Variants in USP34 observed in about 807,000 individuals in gnomAD.
USP34 encodes ubiquitin carboxyl-terminal hydrolase 34.
A neutral mutation model predicts 460.3 loss-of-function variants in USP34; 70 were observed. That is an observed-to-expected ratio of 0.15 (90% confidence interval 0.13 to 0.19). USP34 has a LOEUF of 0.19. Ranked by LOEUF, USP34 falls within the 10% of genes least tolerant of loss-of-function variation. USP34 has a pLI of 1.00. For synonymous variants in USP34, 1,647 were observed against 1,405.3 expected (o/e 1.17, Z -3.85); for missense variants, 3,985 against 4,236.2 (o/e 0.94, Z 1.65).
chr2:61,402,158 G>C (rs1430380263), intron 3 of USP34, among the ~76,000 whole-genome samples: 1 of 151,990 alleles, frequency 6.6e-6, no homozygotes, highest in African/African-American at 2.4e-5. Context: ...TGAATGCCTA[G>C]TGTCCAAGCT....
chr2:61,401,332 G>A (rs1478592377), intron 3 of USP34, among the ~76,000 whole-genome samples: 1 of 151,636 alleles, frequency 6.6e-6, no homozygotes, highest in Admixed American at 6.6e-5. Context: ...TTGACCTCCT[G>A]GCTCAAGTGA....
At chr2:61,423,525 T>C (rs980384755) in intron 1 of USP34, among the ~76,000 whole-genome samples, 1 of 152,080 alleles carries the variant, frequency 6.6e-6, no homozygotes, top group Non-Finnish European at 1.5e-5. Flanking sequence ...CTACAAAATG[T>C]TGCTAAAAGG....
At chr2:61,245,765 T>C (rs572252246) in intron 50 of USP34, among the ~76,000 whole-genome samples, 1 of 143,544 alleles carries the variant, frequency 7.0e-6, no homozygotes, top group Non-Finnish European at 1.6e-5. Flanking sequence ...CAATTAACAA[T>C]TGTACATTTT....
intron 14 of USP34, 40 bp from the exon 15 acceptor site, chr2:61,348,520 C>A (rs1332452374): frequency 2.7e-5 from 42 of 1,567,062 alleles, no homozygotes; most frequent in Middle Eastern, 3.4e-4. Context: ...AATATTTAAA[C>A]CAGTAAGAAA....
At chr2:61,446,567 G>A (rs891605811) in intron 1 of USP34, among the ~76,000 whole-genome samples, 7 of 151,836 alleles carry the variant, frequency 4.6e-5, no homozygotes, top group African/African-American at 7.3e-5. Context: ...AAGCCAAGGC[G>A]GGCAGATCAC....
intron 10 of USP34, among the ~76,000 whole-genome samples, chr2:61,358,235 G>A (rs1169591045): frequency 7.2e-6 from 1 of 138,930 alleles, no homozygotes; most frequent in South Asian, 2.7e-4. Flanking sequence ...AATGTTAATA[G>A]AGAAAACTAA....
In USP34 at chr2:61,187,558, G is replaced by C. The variant is rs1686466998; in HGVS notation, c.*544C>G. The C allele has an allele frequency of 2.1e-6, 2 of 970,340 alleles. No homozygotes were observed. The highest frequency in any genetic ancestry group is 1.1e-4 in the East Asian group (1 of 8,884). 60.1% of individuals were successfully genotyped at this position (970,340 alleles called of 1,614,324 possible). The stretch of plus-strand genomic sequence containing the variant: ...AATAAAACAATTATTTTTACATCAA[G>C]TGTGCTTTATTTCCTCCACAGGTAT... On this transcript the variant is annotated 3_prime_UTR_variant, in exon 80 of 80. Coordinates refer to ENST00000398571, the MANE Select transcript of USP34 (RefSeq NM_014709.4).
At chr2:61,361,912 T>A (rs1692286475) in intron 10 of USP34, among the ~76,000 whole-genome samples, 1 of 152,070 alleles carries the variant, frequency 6.6e-6, no homozygotes, top group African/African-American at 2.4e-5. Context: ...AACCATGTAT[T>A]GATTAGGGGT....
At position 61,209,364 on chromosome 2, in the gene USP34, G is replaced by A. The variant is rs1332513861; in HGVS notation, c.8841-387C>T. 2.0e-5 allele frequency among the ~76,000 whole-genome samples: 3 copies of A among 151,878 alleles called. No homozygotes were observed. The East Asian group carries it at 5.8e-4, about 29-fold the overall frequency. ...GGTAATTAAAAAAGAGTAACATGAAGGAAAAAAATACTAAAAACGTGTCAG... is the reference window on the plus strand; with the variant it reads ...GGTAATTAAAAAAGAGTAACATGAAAGAAAAAAATACTAAAAACGTGTCAG... On this transcript the variant is annotated intron_variant, in intron 69 of 79. Coordinates refer to ENST00000398571, the MANE Select transcript of USP34 (RefSeq NM_014709.4).
chr2:61,196,668 A>G (rs1442448271), intron 75 of USP34, among the ~76,000 whole-genome samples: 1 of 151,942 alleles, frequency 6.6e-6, no homozygotes, highest in Non-Finnish European at 1.5e-5. Flanking sequence ...AGTAGCTGGG[A>G]CTACTGGTGT....
intron 1 of USP34, among the ~76,000 whole-genome samples, chr2:61,427,038 C>G (rs1694532603): frequency 6.6e-6 from 1 of 152,080 alleles, no homozygotes; most frequent in Non-Finnish European, 1.5e-5. Flanking sequence ...ATCACAATAC[C>G]CAAGTTTTTT....
At chr2:61,281,306 G>T in intron 37 of USP34, 64 bp from the exon 38 acceptor site, 2 of 1,528,044 alleles carry the variant, frequency 1.3e-6, no homozygotes, top group South Asian at 1.2e-5. Context: ...TATGTTAGCA[G>T]AAATAATTTT....
chr2:61,277,456 C>G (rs1045269863), intron 41 of USP34, among the ~76,000 whole-genome samples: 1 of 151,912 alleles, frequency 6.6e-6, no homozygotes, highest in African/African-American at 2.4e-5. Context: ...TGGCTGGTCT[C>G]GAACTCCTGG....
At chr2:61,193,986 C>T in intron 75 of USP34, 1 of 391,462 alleles carries the variant, frequency 2.6e-6, no homozygotes, top group South Asian at 1.1e-4. Context: ...ATTTTCATGT[C>T]AGAAAATATT....
chr2:61,369,582 G>C (rs1692546436), intron 10 of USP34, among the ~76,000 whole-genome samples: 1 of 140,066 alleles, frequency 7.1e-6, no homozygotes, highest in African/African-American at 2.7e-5. Context: ...GGCGGAGGTT[G>C]CAGTAAGCCA....
chr2:61,354,819 C>CA (rs556446874), intron 10 of USP34, among the ~76,000 whole-genome samples: 97 of 152,330 alleles, frequency 6.4e-4, no homozygotes, highest in African/African-American at 2.2e-3. Flanking sequence ...GAGGTGCTCA[C>CA]ACTGAGGCAG....
chr2:61,360,467 T>A (rs974202573), intron 10 of USP34, among the ~76,000 whole-genome samples: 1 of 152,114 alleles, frequency 6.6e-6, no homozygotes. Flanking sequence ...TATTTTACAA[T>A]ATGTAGAAAT....
intron 21 of USP34, among the ~76,000 whole-genome samples, chr2:61,324,372 A>G (rs753936437): frequency 2.0e-5 from 3 of 152,350 alleles, no homozygotes; most frequent in Middle Eastern, 3.4e-3. Context: ...AAATGTCTCC[A>G]TCACCCATAA....
intron 1 of USP34, among the ~76,000 whole-genome samples, chr2:61,451,677 C>T (rs1473043140): frequency 6.0e-5 from 9 of 149,686 alleles, no homozygotes; most frequent in African/African-American, 2.0e-4. Flanking sequence ...AGCGAAACCC[C>T]GCCTCAAAAA....
Sources: gnomAD v4.1 joint callset for allele counts (sites outside exome capture counted in the v4.1 genomes callset) on GRCh38, gnomAD v4.1.1 for gene constraint, MANE v1.5 for transcripts, NCBI Gene and HGNC (gene_info 2026-07-23, HGNC 2026-07-21) for gene names.